The following PPFIA2 variants were observed in gnomAD, a reference collection of about 807,000 sequenced individuals.
The protein encoded by PPFIA2 is liprin-alpha-2.
Under a neutral mutation model 175.5 loss-of-function variants are expected in PPFIA2, and 46 were observed. The ratio of observed to expected loss-of-function variants is 0.26; its 90% CI spans 0.21 to 0.34. The LOEUF (loss-of-function observed/expected upper bound fraction) is 0.34, where lower values mean the gene tolerates loss of function less well. PPFIA2 is among the 10% of genes least tolerant of loss of function. PPFIA2 has a pLI of 1.00. For missense variants in PPFIA2, 1,179 were observed against 1,506.1 expected, an observed-to-expected ratio of 0.78 and a Z score of 3.60; for synonymous variants, 568 against 511.4, an observed-to-expected ratio of 1.11 and a Z score of -1.49.
At chr12:81,624,170 A>G (rs903038824) in intron 4 of PPFIA2, among the ~76,000 whole-genome samples, 1 of 151,760 alleles carries the variant, frequency 6.6e-6, no homozygotes, top group Non-Finnish European at 1.5e-5. Flanking sequence ...GCATCTATGT[A>G]TATATATGTA....
At chr12:81,657,742 C>A (rs1401533787) in intron 4 of PPFIA2, among the ~76,000 whole-genome samples, 5 of 152,032 alleles carry the variant, frequency 3.3e-5, no homozygotes, top group African/African-American at 9.7e-5. Flanking sequence ...AATTGAAATA[C>A]CTTTGGACCA....
At chr12:81,627,456 A>G (rs1445706597) in intron 4 of PPFIA2, among the ~76,000 whole-genome samples, 1 of 152,176 alleles carries the variant, frequency 6.6e-6, no homozygotes, top group African/African-American at 2.4e-5. Flanking sequence ...TTAAAAAACA[A>G]AGAATGTCAC....
chr12:81,326,659 A>C (rs1382203280), intron 21 of PPFIA2, among the ~76,000 whole-genome samples: 2 of 152,136 alleles, frequency 1.3e-5, no homozygotes, highest in Non-Finnish European at 1.5e-5. Flanking sequence ...TGTACATTAA[A>C]CACATATCAC....
At chr12:81,630,078 A>G (rs2063190589) in intron 4 of PPFIA2, among the ~76,000 whole-genome samples, 1 of 152,158 alleles carries the variant, frequency 6.6e-6, no homozygotes, top group Non-Finnish European at 1.5e-5. Flanking sequence ...CCATAAACCA[A>G]GGAATGCAGG....
At chr12:81,571,000 A>T (rs2072443409) in intron 4 of PPFIA2, among the ~76,000 whole-genome samples, 1 of 152,030 alleles carries the variant, frequency 6.6e-6, no homozygotes, top group Admixed American at 6.6e-5. Context: ...AAAAAAAATC[A>T]TCTAGAATAT....
At chr12:81,685,199 C>A (rs2074252196) in intron 3 of PPFIA2, among the ~76,000 whole-genome samples, 1 of 152,036 alleles carries the variant, frequency 6.6e-6, no homozygotes, top group Non-Finnish European at 1.5e-5. Flanking sequence ...AACAACCTTT[C>A]ATCACCGAAT....
At chr12:81,621,871 A>G (rs10746195) in intron 4 of PPFIA2, among the ~76,000 whole-genome samples, 137,655 of 152,170 alleles carry the variant, frequency 0.9, 62,537 homozygotes, top group East Asian at 1. Context: ...CATATTACCT[A>G]GGATTTCAGT....
At chr12:81,340,231 C>CA (rs1700281959) in intron 20 of PPFIA2, among the ~76,000 whole-genome samples, 1 of 151,800 alleles carries the variant, frequency 6.6e-6, no homozygotes, top group Admixed American at 6.6e-5. Context: ...ACATTAACAA[C>CA]AAAAAATAGT....
intron 4 of PPFIA2, among the ~76,000 whole-genome samples, chr12:81,610,283 A>T (rs972704242): frequency 6.6e-6 from 1 of 151,970 alleles, no homozygotes; most frequent in African/African-American, 2.4e-5. Flanking sequence ...TTTCATGTCA[A>T]CCTCTCTAGT....
intron 4 of PPFIA2, among the ~76,000 whole-genome samples, chr12:81,624,535 A>G (rs1288602044): frequency 6.8e-6 from 1 of 146,852 alleles, no homozygotes; most frequent in Non-Finnish European, 1.5e-5. Flanking sequence ...TTACATATGT[A>G]TAACACATAT....
intron 12 of PPFIA2, 113 bp from the exon 13 acceptor site, chr12:81,368,969 G>C (rs995276299): frequency 7.4e-6 from 10 of 1,344,032 alleles, no homozygotes; most frequent in Non-Finnish European, 1.0e-5. Context: ...GATTAAAGTG[G>C]TGGAAACATT....
At chr12:81,271,248 T>C (rs1342539242) in intron 28 of PPFIA2, among the ~76,000 whole-genome samples, 1 of 152,094 alleles carries the variant, frequency 6.6e-6, no homozygotes, top group Non-Finnish European at 1.5e-5. Flanking sequence ...TCTTATTTTA[T>C]TCTACCACTC....
chr12:81,494,358 G>T (rs550797010), intron 4 of PPFIA2, among the ~76,000 whole-genome samples: 2 of 152,146 alleles, frequency 1.3e-5, no homozygotes, highest in Non-Finnish European at 2.9e-5. Flanking sequence ...CACCATCACT[G>T]GCCATCAGAG....
At chr12:81,566,662 C>T (rs2071392334) in intron 4 of PPFIA2, among the ~76,000 whole-genome samples, 1 of 151,610 alleles carries the variant, frequency 6.6e-6, no homozygotes, top group Non-Finnish European at 1.5e-5. Context: ...AAGAGAAGGA[C>T]ACATTTTTCA....
chr12:81,525,221 T>G (rs1036215428), intron 4 of PPFIA2, among the ~76,000 whole-genome samples: 13 of 152,176 alleles, frequency 8.5e-5, no homozygotes, highest in Admixed American at 3.9e-4. Flanking sequence ...GACACTGGTA[T>G]TTTTTCCTCT....
chr12:81,269,391 A>T (rs983598175), intron 28 of PPFIA2, among the ~76,000 whole-genome samples: 16 of 152,364 alleles, frequency 1.1e-4, no homozygotes, highest in Non-Finnish European at 1.8e-4. Flanking sequence ...TAGCTCTTTC[A>T]GACAAAGTAT....
At chr12:81,699,951 G>T (rs569520924) in intron 3 of PPFIA2, among the ~76,000 whole-genome samples, 1 of 152,010 alleles carries the variant, frequency 6.6e-6, no homozygotes, top group Non-Finnish European at 1.5e-5. Context: ...AATTCTTACT[G>T]GATGTTCATA....
chr12:81,494,861 G>T (rs935046010), intron 4 of PPFIA2, among the ~76,000 whole-genome samples: 1 of 145,382 alleles, frequency 6.9e-6, no homozygotes, highest in Admixed American at 7.1e-5. Flanking sequence ...ACCAAACACC[G>T]CATGTTCTCA....
chr12:81,693,687 T>G (rs2075534186), intron 3 of PPFIA2, among the ~76,000 whole-genome samples: 1 of 151,562 alleles, frequency 6.6e-6, no homozygotes, highest in Non-Finnish European at 1.5e-5. Flanking sequence ...CGGGCAGAGG[T>G]TGGAAGAGTT....
Sources: gnomAD v4.1 joint callset for allele counts (sites outside exome capture counted in the v4.1 genomes callset) on GRCh38, gnomAD v4.1.1 for gene constraint, MANE v1.5 for transcripts, NCBI Gene and HGNC (gene_info 2026-07-23, HGNC 2026-07-21) for gene names.